Variants in SCN11A observed in about 807,000 individuals in gnomAD.
The protein encoded by SCN11A is sodium channel protein type 11 subunit alpha.
SCN11A carries 122 observed loss-of-function variants against 162.2 expected under a neutral mutation model. The ratio of observed to expected loss-of-function variants is 0.75; its 90% confidence interval spans 0.65 to 0.87. The LOEUF (loss-of-function observed/expected upper bound fraction) is 0.87, where lower values mean the gene tolerates loss of function less well. Among genes scored for constraint, SCN11A ranks in the 40% least tolerant of loss-of-function variants. The pLI, the probability that SCN11A is intolerant of heterozygous loss-of-function variation, is 0.00. For synonymous variants in SCN11A, 758 were observed against 751.5 expected (o/e 1.01, Z -0.14); for missense variants, 2,015 against 2,181.6 (o/e 0.92, Z 1.52).
intron 21 of SCN11A, among the ~76,000 whole-genome samples, 182 bp downstream of exon 21, chr3:38,885,106 T>C (rs1189549948): frequency 6.6e-6 from 1 of 152,150 alleles, no homozygotes; most frequent in African/African-American, 2.4e-5. Context: ...AAGCAAGAAT[T>C]TCCTGAAATC....
chr3:38,951,908 AAG>A (rs760065056), intron 4 of SCN11A, among the ~76,000 whole-genome samples: 1 of 152,272 alleles, frequency 6.6e-6, no homozygotes, highest in Admixed American at 6.5e-5. Flanking sequence ...GGGGCCAGAT[AAG>A]AGAATAAAAT....
At chr3:39,006,950 A>C (rs1403913845) in intron 2 of SCN11A, among the ~76,000 whole-genome samples, 1 of 152,184 alleles carries the variant, frequency 6.6e-6, no homozygotes, top group Non-Finnish European at 1.5e-5. Context: ...AAAATAAACA[A>C]GACATAGAAA....
intron 7 of SCN11A, among the ~76,000 whole-genome samples, chr3:38,934,851 T>G (rs1381254850): frequency 3.3e-5 from 5 of 151,972 alleles, no homozygotes; most frequent in South Asian, 4.2e-4. Flanking sequence ...TACCCAGGAA[T>G]TGAACTCAGC....
intron 13 of SCN11A, among the ~76,000 whole-genome samples, chr3:38,908,440 C>T (rs1017238528): frequency 2.0e-5 from 3 of 152,150 alleles, no homozygotes; most frequent in South Asian, 4.1e-4. Context: ...TAAGCACTTA[C>T]GATGGGCATC....
intron 16 of SCN11A, among the ~76,000 whole-genome samples, chr3:38,900,877 C>T (rs2065688419): frequency 1.3e-5 from 2 of 151,966 alleles, no homozygotes; most frequent in Non-Finnish European, 2.9e-5. Flanking sequence ...TAAATACAAG[C>T]TTAAGAAATA....
chr3:38,894,067 C>T (rs774630536), intron 19 of SCN11A, among the ~76,000 whole-genome samples: 2 of 152,078 alleles, frequency 1.3e-5, no homozygotes, highest in Non-Finnish European at 2.9e-5. Context: ...ATATCCATTA[C>T]CCTCACACTC....
At chr3:39,008,299 TAA>T (rs138650271) in intron 2 of SCN11A, among the ~76,000 whole-genome samples, 6,518 of 152,140 alleles carry the variant, frequency 0.043, 257 homozygotes, top group African/African-American at 0.1. Context: ...GAGAGGAGAA[TAA>T]AGTCATTTTC....
chr3:38,957,880 T>C (rs936675712), intron 3 of SCN11A, among the ~76,000 whole-genome samples: 1 of 152,110 alleles, frequency 6.6e-6, no homozygotes, highest in African/African-American at 2.4e-5. Flanking sequence ...GGTGAAGAAA[T>C]GACGGAGGAT....
At chr3:38,943,549 A>AC (rs1197982137) in intron 7 of SCN11A, among the ~76,000 whole-genome samples, 4 of 152,222 alleles carry the variant, frequency 2.6e-5, no homozygotes, top group Admixed American at 6.5e-5. Flanking sequence ...CAAATATAGA[A>AC]CTTTTAAGTT....
At chr3:39,033,506 T>C (rs1042055145) in intron 1 of SCN11A, among the ~76,000 whole-genome samples, 4 of 152,166 alleles carry the variant, frequency 2.6e-5, no homozygotes, top group Non-Finnish European at 5.9e-5. Flanking sequence ...TTTTACAGAT[T>C]AGTTAAGACC....
chr3:39,029,238 A>G (rs985251223), intron 2 of SCN11A, among the ~76,000 whole-genome samples: 2 of 152,208 alleles, frequency 1.3e-5, no homozygotes, highest in African/African-American at 2.4e-5. Context: ...ACATCCTCTG[A>G]ACACAGTACC....
intron 2 of SCN11A, among the ~76,000 whole-genome samples, chr3:39,015,805 C>T (rs1293825021): frequency 1.3e-5 from 2 of 152,144 alleles, no homozygotes; most frequent in East Asian, 1.9e-4. Context: ...GGCGTGGTCT[C>T]GGGTCACTGC....
chr3:38,935,230 T>C (rs2066311455), intron 7 of SCN11A, among the ~76,000 whole-genome samples: 1 of 151,316 alleles, frequency 6.6e-6, no homozygotes, highest in Non-Finnish European at 1.5e-5. Context: ...CAAAGCAGTG[T>C]GTAGAGGGAA....
chr3:39,014,507 A>G (rs892917637), intron 2 of SCN11A, among the ~76,000 whole-genome samples: 3 of 152,220 alleles, frequency 2.0e-5, no homozygotes, highest in Non-Finnish European at 4.4e-5. Flanking sequence ...CTATAAGACA[A>G]TATCCCAACT....
At chr3:38,860,866 C>G (rs2064951896) in intron 28 of SCN11A, among the ~76,000 whole-genome samples, 1 of 152,096 alleles carries the variant, frequency 6.6e-6, no homozygotes, top group African/African-American at 2.4e-5. Flanking sequence ...TTCTATTCAA[C>G]ATAGCACTCA....
intron 26 of SCN11A, among the ~76,000 whole-genome samples, chr3:38,868,142 C>A (rs1466724207): frequency 6.6e-6 from 1 of 152,212 alleles, no homozygotes; most frequent in African/African-American, 2.4e-5. Context: ...TTATTGGCTT[C>A]AAGCACTTTC....
chr3:38,926,746 G>T (rs149407809), intron 8 of SCN11A, 57 bp downstream of exon 8: 2 of 1,563,998 alleles, frequency 1.3e-6, no homozygotes, highest in Non-Finnish European at 1.8e-6. Context: ...TCTGATGGAA[G>T]CAAAGGGGCT....
chr3:38,852,136 C>T (rs1052812045), intron 28 of SCN11A, among the ~76,000 whole-genome samples: 3 of 152,088 alleles, frequency 2.0e-5, no homozygotes, highest in African/African-American at 7.2e-5. Flanking sequence ...ATTAAAACCA[C>T]GGGAGTGAAT....
At chr3:38,883,484 T>C in intron 21 of SCN11A, 97 bp from the exon 22 acceptor site, 1 of 1,143,734 alleles carries the variant, frequency 8.7e-7, no homozygotes, top group South Asian at 1.5e-5. Flanking sequence ...CCCCTTGCCA[T>C]GCGACCTGCA....
Sources: gnomAD v4.1 joint callset for allele counts (sites outside exome capture counted in the v4.1 genomes callset) on GRCh38, gnomAD v4.1.1 for gene constraint, MANE v1.5 for transcripts, NCBI Gene and HGNC (gene_info 2026-07-23, HGNC 2026-07-21) for gene names.